SCHIP1: variants seen among roughly 807,000 people sequenced by gnomAD.
SCHIP1 encodes schwannomin interacting protein 1.
SCHIP1 carries 8 observed loss-of-function variants against 29.7 expected under a neutral mutation model. The observed-to-expected ratio is 0.27, with a 90% confidence interval of 0.16 to 0.49. The LOEUF (loss-of-function observed/expected upper bound fraction) is 0.49. Among genes scored for constraint, SCHIP1 ranks in the 20% least tolerant of loss-of-function variants. SCHIP1 has a pLI of 0.99. For synonymous variants in SCHIP1, 76 were observed against 94.9 expected, an observed-to-expected ratio of 0.80 and a Z score of 1.16; for missense variants, 193 against 294.6, an observed-to-expected ratio of 0.66 and a Z score of 2.52.
the SCHIP1 span, among the ~76,000 whole-genome samples, chr3:159,645,204 C>T: frequency 3.6e-3 from 542 of 152,234 alleles, 4 homozygotes; most frequent in African/African-American, 0.012. Context: ...GGAGAAGCCA[C>T]GGCTCTGGCA....
the SCHIP1 span, among the ~76,000 whole-genome samples, chr3:159,366,413 TAGTA>T: frequency 4.6e-5 from 7 of 152,260 alleles, no homozygotes; most frequent in Admixed American, 4.6e-4. Context: ...ATAGAACAGT[TAGTA>T]AGAACTTGGG....
chr3:159,637,778 C>T, the SCHIP1 span, among the ~76,000 whole-genome samples: 6 of 152,126 alleles, frequency 3.9e-5, no homozygotes, highest in South Asian at 1.2e-3. Context: ...GGAAAAATTC[C>T]CAAGGATTAG....
At chr3:159,825,240 G>A in the SCHIP1 span, among the ~76,000 whole-genome samples, 2,007 of 152,254 alleles carry the variant, frequency 0.013, 39 homozygotes, top group African/African-American at 0.046. Context: ...TAAATTGGGG[G>A]CATCTAGTTA....
the SCHIP1 span, among the ~76,000 whole-genome samples, chr3:159,770,259 CTTT>C: frequency 6.6e-6 from 1 of 152,054 alleles, no homozygotes; most frequent in African/African-American, 2.4e-5. Context: ...CATGTATACA[CTTT>C]ATCTATTTAT....
chr3:159,355,091 A>T, the SCHIP1 span, among the ~76,000 whole-genome samples: 1 of 152,106 alleles, frequency 6.6e-6, no homozygotes, highest in African/African-American at 2.4e-5. Context: ...GTAAAGAGAG[A>T]CTTTGAGTCA....
At chr3:159,827,046 T>C in the SCHIP1 span, among the ~76,000 whole-genome samples, 1 of 152,246 alleles carries the variant, frequency 6.6e-6, no homozygotes, top group East Asian at 1.9e-4. Context: ...TGAGAAACTT[T>C]CTTAATTCAA....
chr3:159,790,423 G>A, the SCHIP1 span, among the ~76,000 whole-genome samples: 2 of 152,186 alleles, frequency 1.3e-5, no homozygotes, highest in Non-Finnish European at 2.9e-5. Context: ...GGGTGCAGTG[G>A]CTCACGCCTG....
At chr3:159,578,639 T>A in the SCHIP1 span, among the ~76,000 whole-genome samples, 1 of 152,168 alleles carries the variant, frequency 6.6e-6, no homozygotes, top group East Asian at 1.9e-4. Flanking sequence ...ACTCTTTCCT[T>A]ACTTTTTCCA....
chr3:159,787,146 A>T, the SCHIP1 span, among the ~76,000 whole-genome samples: 1 of 152,234 alleles, frequency 6.6e-6, no homozygotes, highest in East Asian at 1.9e-4. Flanking sequence ...AAGATTTAGT[A>T]ACTTCCACAT....
chr3:159,463,627 T>A, the SCHIP1 span, among the ~76,000 whole-genome samples: 1 of 152,116 alleles, frequency 6.6e-6, no homozygotes, highest in Non-Finnish European at 1.5e-5. Flanking sequence ...AAATACAAGC[T>A]AATAAAATAT....
At chr3:159,453,475 T>C in the SCHIP1 span, among the ~76,000 whole-genome samples, 1 of 152,212 alleles carries the variant, frequency 6.6e-6, no homozygotes, top group Admixed American at 6.5e-5. Context: ...AGTGCTTTAA[T>C]TTTTGTAATC....
the SCHIP1 span, among the ~76,000 whole-genome samples, chr3:159,546,510 C>T: frequency 5.9e-5 from 9 of 151,992 alleles, no homozygotes; most frequent in Non-Finnish European, 1.3e-4. Context: ...CCTCTCAACC[C>T]ATCATCTAGG....
the SCHIP1 span, among the ~76,000 whole-genome samples, chr3:159,810,540 A>G: frequency 2.0e-5 from 3 of 152,212 alleles, no homozygotes; most frequent in Non-Finnish European, 4.4e-5. Context: ...TTTTCTGAAC[A>G]TTTCATATAA....
At chr3:159,896,921 C>A in exon 7 of SCHIP1, 3 of 776,562 alleles carry the variant, frequency 3.9e-6, no homozygotes, top group Non-Finnish European at 5.5e-6. Flanking sequence ...TTGGCCTTTG[C>A]TTCTTAATTT....
chr3:159,542,370 T>G, the SCHIP1 span, among the ~76,000 whole-genome samples: 1 of 152,040 alleles, frequency 6.6e-6, no homozygotes, highest in Non-Finnish European at 1.5e-5. Flanking sequence ...TTGTTGAATA[T>G]CTCCCCCAAT....
the SCHIP1 span, among the ~76,000 whole-genome samples, chr3:159,379,658 TC>T: frequency 6.8e-6 from 1 of 147,524 alleles, no homozygotes; most frequent in Admixed American, 6.8e-5. Context: ...ATAGACTTTT[TC>T]CTCAGGCCTT....
chr3:159,875,018 T>TAAAAAAA (rs532553787), intron 2 of SCHIP1, among the ~76,000 whole-genome samples: 1 of 120,598 alleles, frequency 8.3e-6, no homozygotes, highest in Non-Finnish European at 1.7e-5. Context: ...CTGGGTAGTC[T>TAAAAAAA]AAAAAAAAAA....
chr3:159,770,671 C>T, the SCHIP1 span, among the ~76,000 whole-genome samples: 1 of 152,210 alleles, frequency 6.6e-6, no homozygotes, highest in Non-Finnish European at 1.5e-5. Context: ...CAAGGAAGTA[C>T]TATTTTACTT....
At chr3:159,650,407 C>T in the SCHIP1 span, among the ~76,000 whole-genome samples, 6 of 152,032 alleles carry the variant, frequency 3.9e-5, no homozygotes, top group African/African-American at 7.2e-5. Context: ...GTAGAAGTTA[C>T]GTATTCACAA....
Sources: gnomAD v4.1 joint callset for allele counts (sites outside exome capture counted in the v4.1 genomes callset) on GRCh38, gnomAD v4.1.1 for gene constraint, MANE v1.5 for transcripts, NCBI Gene and HGNC (gene_info 2026-07-23, HGNC 2026-07-21) for gene names.